Variants in DNAH10 observed in about 807,000 individuals in gnomAD.
The protein encoded by DNAH10 is axonemal beta dynein heavy chain 10.
Under a neutral mutation model 506.6 loss-of-function variants are expected in DNAH10, and 348 were observed. The ratio of observed to expected loss-of-function variants is 0.69; its 90% CI spans 0.63 to 0.75. The LOEUF is 0.75. Ranked by LOEUF, DNAH10 falls within the 30% of genes least tolerant of loss-of-function variation. DNAH10 has a pLI of 0.00. For synonymous variants in DNAH10, 2,059 were observed against 2,198.6 expected (o/e 0.94, Z 1.78); for missense variants, 5,179 against 5,787.1 (o/e 0.89, Z 3.41).
intron 43 of DNAH10, among the ~76,000 whole-genome samples, chr12:123,868,664 T>C (rs994403315): frequency 2.6e-5 from 4 of 152,244 alleles, no homozygotes; most frequent in Non-Finnish European, 4.4e-5. Context: ...CCAAGGTCTA[T>C]ATGCAATGGT....
intron 30 of DNAH10, among the ~76,000 whole-genome samples, chr12:123,842,011 G>T (rs1248392442): frequency 6.6e-6 from 1 of 152,226 alleles, no homozygotes; most frequent in Admixed American, 6.5e-5. Context: ...TGCTGCCAAA[G>T]CGAGCACAAG....
At chr12:123,819,700 GTTTTTTTTTTT>G (rs768231077) in intron 23 of DNAH10, among the ~76,000 whole-genome samples, 2 of 101,840 alleles carry the variant, frequency 2.0e-5, no homozygotes, top group African/African-American at 4.0e-5. Flanking sequence ...CTAAAATTCT[GTTTTTTTTTTT>G]TTTTTTTTTT....
At chr12:123,803,112 G>C (rs1958534624) in intron 16 of DNAH10, among the ~76,000 whole-genome samples, 1 of 151,870 alleles carries the variant, frequency 6.6e-6, no homozygotes, top group African/African-American at 2.4e-5. Flanking sequence ...TCCTTTAATG[G>C]GTTCTACTTT....
At chr12:123,858,608 C>T (rs1039413766) in intron 37 of DNAH10, among the ~76,000 whole-genome samples, 1 of 152,266 alleles carries the variant, frequency 6.6e-6, no homozygotes. Flanking sequence ...TGAGGACGAA[C>T]GTCCGCTCAG....
intron 22 of DNAH10, 21 bp from the exon 23 acceptor site, chr12:123,819,127 A>G (rs1415688253): frequency 1.9e-6 from 3 of 1,609,906 alleles, no homozygotes; most frequent in East Asian, 2.2e-5. Flanking sequence ...GGCTAAATTA[A>G]TGTAACCTCG....
In DNAH10 at chr12:123,909,117, T is replaced by A; in HGVS notation, c.9816-144T>A. ...CTCCCGCCCAGGAGTGCGGTTTGTG[T>A]TGGGACCTGGCTTCTTTCGTTTGCT... On this transcript the variant is annotated intron_variant, in intron 57 of 78. Coordinates refer to ENST00000673944, the MANE Select transcript of DNAH10 (RefSeq NM_001372106.1). The surrounding 1 kb of genome is among the most constrained non-coding windows in gnomAD (Gnocchi z 5.4). 8.7e-7 allele frequency: 1 copy of A among 1,147,322 alleles called. No homozygotes were observed. The highest frequency in any genetic ancestry group is 1.2e-6 in the Non-Finnish European group (1 of 812,858). 71.1% of individuals were successfully genotyped at this position (1,147,322 alleles called of 1,614,324 possible).
intron 13 of DNAH10, 119 bp from the exon 14 acceptor site, chr12:123,799,127 T>A: frequency 1.0e-5 from 6 of 574,966 alleles, no homozygotes; most frequent in East Asian, 7.6e-5. Context: ...AAAAAAATTA[T>A]ATAATGTTTA....
chr12:123,883,254 G>A (rs908195644), intron 51 of DNAH10, among the ~76,000 whole-genome samples: 1 of 152,196 alleles, frequency 6.6e-6, no homozygotes, highest in Non-Finnish European at 1.5e-5. Flanking sequence ...GGGATCCTAT[G>A]ATAACTCTAT....
chr12:123,819,086 T>C lies in DNAH10; in HGVS notation c.3897+20T>C. Reference sequence around the variant, plus strand: ...ACAGAGGTACCTTTTAAATTTCACTTCCTGAGTAAAGACATTGAAAAACGT... The same window carrying C: ...ACAGAGGTACCTTTTAAATTTCACTCCCTGAGTAAAGACATTGAAAAACGT... On this transcript the variant is annotated intron_variant, in intron 22 of 78. Transcript: ENST00000673944. 6.3e-7 allele frequency: 1 copy of C among 1,599,324 alleles called. No individual in the cohort carries two copies. The highest frequency in any genetic ancestry group is 8.5e-7 in the Non-Finnish European group (1 of 1,171,930).
intron 47 of DNAH10, among the ~76,000 whole-genome samples, chr12:123,877,415 G>A (rs987130666): frequency 6.6e-6 from 1 of 152,110 alleles, no homozygotes; most frequent in East Asian, 1.9e-4. Flanking sequence ...GGGTTCAGGC[G>A]ATTCTCCTGC....
At chr12:123,884,764 G>A (rs1285473474) in intron 51 of DNAH10, among the ~76,000 whole-genome samples, 1 of 152,060 alleles carries the variant, frequency 6.6e-6, no homozygotes, top group Non-Finnish European at 1.5e-5. Context: ...TATTGTTATG[G>A]ACTCACTCAT....
rs1370700431 is a variant in DNAH10, at chr12:123,934,841, C to T, written c.13623+75C>T. The T allele has an allele frequency of 1.0e-4, 158 of 1,574,146 alleles. 1 individual carries two copies. The highest frequency in any genetic ancestry group is 5.1e-4 in the South Asian group (44 of 86,196). On this transcript the variant is annotated intron_variant, in intron 78 of 78. Coordinates refer to ENST00000673944, the MANE Select transcript of DNAH10 (RefSeq NM_001372106.1). ...ACTGTAGTTATGGCTGAGGTGGTTT[C>T]CAACAGTCCTACTTTTTAAAACAGG...
At position 123,785,640 on chromosome 12, in the gene DNAH10, A is replaced by G; in HGVS notation, c.1231-106A>G. Reference sequence around the variant, plus strand: ...GGCACCAGACTTGGTCTCAAGGAAAAAAAAAAAAAAAAAAGAGTGAAACTT... The same window carrying G: ...GGCACCAGACTTGGTCTCAAGGAAAGAAAAAAAAAAAAAAGAGTGAAACTT... On this transcript the variant is annotated intron_variant, in intron 8 of 78. Coordinates refer to ENST00000673944, the MANE Select transcript of DNAH10 (RefSeq NM_001372106.1). This position sits in a 1 kb window ranked among gnomAD's most constrained non-coding sequence, Gnocchi z 4.1. The G allele has an allele frequency of 2.3e-6, 2 of 874,980 alleles. No homozygotes were observed. The highest frequency in any genetic ancestry group is 3.3e-5 in the South Asian group (1 of 30,410). 54.2% of individuals were successfully genotyped at this position (874,980 alleles called of 1,614,324 possible).
In DNAH10 at chr12:123,789,785, C is replaced by T. The variant is rs375295914; in HGVS notation, c.1621-142C>T. ...ATCCTATGTGCCTTGGGCATCGTACCGAAGGGCTTAGTCCGGGAGGAGGTT... is the reference window on the plus strand; with the variant it reads ...ATCCTATGTGCCTTGGGCATCGTACTGAAGGGCTTAGTCCGGGAGGAGGTT... On this transcript the variant is annotated intron_variant, in intron 10 of 78. Transcript: ENST00000673944. 4.0e-5 allele frequency: 30 copies of T among 749,440 alleles called. No individual in the cohort carries two copies. In the East Asian group the frequency reaches 5.7e-4, roughly 14 times the overall value. 46.4% of individuals were successfully genotyped at this position (749,440 alleles called of 1,614,324 possible).
chr12:123,776,974 A>G (rs1388006294), intron 5 of DNAH10, among the ~76,000 whole-genome samples: 1 of 152,186 alleles, frequency 6.6e-6, no homozygotes, highest in African/African-American at 2.4e-5. Flanking sequence ...GAAAAAGGAA[A>G]CAAGGGGGAG....
In DNAH10 at chr12:123,914,414, G is replaced by A. The variant is rs376801748; in HGVS notation, c.10438G>A (p.Glu3480Lys). Reference protein sequence around the residue: ...CLLCAAFLSYEGAFTWEFRDE... With the variant: ...CLLCAAFLSYKGAFTWEFRDE... Reference sequence around the variant, plus strand: ...GCTCTGCGCGGCTTTCCTCAGCTACGAGGGAGCCTTCACCTGGGAGTTCCG... The same window carrying A: ...GCTCTGCGCGGCTTTCCTCAGCTACAAGGGAGCCTTCACCTGGGAGTTCCG... Residue 3480 changes from glutamate (E) to lysine (K), a missense_variant, in exon 61 of 79, where the codon GAG (glutamate) becomes AAG (lysine). By Grantham distance (56) the Glu-to-Lys change is moderately conservative. Coordinates refer to ENST00000673944, the MANE Select transcript of DNAH10 (RefSeq NM_001372106.1). The A allele has an allele frequency of 6.2e-7, 1 of 1,613,694 alleles. No individual in the cohort carries two copies. The highest frequency in any genetic ancestry group is 8.5e-7 in the Non-Finnish European group (1 of 1,179,896).
At chr12:123,767,733 C>G in intron 2 of DNAH10, 44 bp downstream of exon 2, 1 of 1,539,138 alleles carries the variant, frequency 6.5e-7, no homozygotes, top group Non-Finnish European at 8.9e-7. Context: ...ACTGAGAAAG[C>G]CCCCCCGCAG....
Position 123,762,877 on chromosome 12 carries a change from C to T in DNAH10, c.214+327C>T, listed in dbSNP as rs1402258420. ...CCTACGAGGCGGGTGTATCCTCATCCCTATTTTACAGATGAGCAAACTGGC... is the reference window on the plus strand; with the variant it reads ...CCTACGAGGCGGGTGTATCCTCATCTCTATTTTACAGATGAGCAAACTGGC... On this transcript the variant is annotated intron_variant, in intron 1 of 78. Transcript: ENST00000673944. The surrounding 1 kb of genome is among the most constrained non-coding windows in gnomAD (Gnocchi z 5.0). Among the ~76,000 whole-genome samples the T allele has an allele frequency of 6.6e-6, 1 of 152,200 alleles. No homozygotes were observed. The highest frequency in any genetic ancestry group is 1.5e-5 in the Non-Finnish European group (1 of 68,038).
chr12:123,775,818 T>A (rs562737645), intron 5 of DNAH10, among the ~76,000 whole-genome samples: 1 of 152,162 alleles, frequency 6.6e-6, no homozygotes, highest in Non-Finnish European at 1.5e-5. Flanking sequence ...AGGGCTGTAT[T>A]AGTCCATTTT....
Sources: gnomAD v4.1 joint callset for allele counts (sites outside exome capture counted in the v4.1 genomes callset) on GRCh38, gnomAD v4.1.1 for gene constraint, Gnocchi (gnomAD v3.1) non-coding constraint, MANE v1.5 for transcripts, NCBI Gene and HGNC (gene_info 2026-07-23, HGNC 2026-07-21) for gene names.